YAE1: variants seen among roughly 807,000 people sequenced by gnomAD.
YAE1 encodes protein YAE1 homolog.
A neutral mutation model predicts 23.0 loss-of-function variants in YAE1; 22 were observed. The observed-to-expected ratio is 0.96, with a 90% CI of 0.68 to 1.37. The LOEUF (loss-of-function observed/expected upper bound fraction) is 1.37, where lower values mean the gene tolerates loss of function less well. Among genes scored for constraint, YAE1 ranks in the 40% most tolerant of loss-of-function variants. YAE1 has a pLI of 0.00. For missense variants in YAE1, 260 were observed against 262.1 expected (o/e 0.99, Z 0.06); for synonymous variants, 101 against 97.0 (o/e 1.04, Z -0.24).
At chr7:39,600,599 G>T (rs1305251587) in intron 2 of YAE1, among the ~76,000 whole-genome samples, 3 of 152,084 alleles carry the variant, frequency 2.0e-5, no homozygotes, top group African/African-American at 7.2e-5. Flanking sequence ...GTTTCGCCAT[G>T]TTGGTCAGGC....
rs747972028 is a variant in YAE1, at chr7:39,609,704, G to T, written c.339G>T (p.Pro113=). The stretch of plus-strand genomic sequence containing the variant: ...CGCAACTACTGCCGCGTCCCCTCCC[G>T]GTCCCCGGCCACATGGCGAGCGGGG... Residue 113 remains proline, a synonymous_variant, in exon 3 of 3, where the codon CCG becomes CCT. Coordinates refer to the YAE1 transcript ENST00000432096. 2.6e-6 allele frequency: 4 copies of T among 1,535,614 alleles called. No individual in the cohort carries two copies. In the South Asian group the frequency reaches 4.8e-5, roughly 18 times the overall value.
At chr7:39,609,672 G>A (rs1257604402) in exon 3 of YAE1, 3 of 1,535,614 alleles carry the variant, frequency 2.0e-6, no homozygotes, top group Non-Finnish European at 2.6e-6. Flanking sequence ...GAGTCCGGAG[G>A]TTGGGACGCA....
At chr7:39,567,829 G>GA (rs1454671009) in intron 1 of YAE1, among the ~76,000 whole-genome samples, 13 of 152,118 alleles carry the variant, frequency 8.5e-5, no homozygotes, top group African/African-American at 2.9e-4. Context: ...GGACATTACA[G>GA]AAATTGTCTA....
chr7:39,568,979 C>CT (rs1583667083), intron 1 of YAE1, among the ~76,000 whole-genome samples: 1 of 152,010 alleles, frequency 6.6e-6, no homozygotes, highest in Admixed American at 6.5e-5. Flanking sequence ...AAATACTTTC[C>CT]TTTTTTCACA....
chr7:39,566,626 GC>G, intron 1 of YAE1, 79 bp downstream of exon 1: 1 of 1,575,072 alleles, frequency 6.3e-7, no homozygotes, highest in South Asian at 1.1e-5. Context: ...GTCCAGAGTG[GC>G]CCCAGCCTGG....
downstream of YAE1, among the ~76,000 whole-genome samples, chr7:39,576,705 T>G (rs79633619): frequency 8.2e-4 from 125 of 152,244 alleles, no homozygotes; most frequent in East Asian, 0.023. Context: ...TCTCTTCACG[T>G]TTCTCCAGGA....
intron 2 of YAE1, among the ~76,000 whole-genome samples, chr7:39,593,983 G>A (rs1356369026): frequency 6.6e-6 from 1 of 152,066 alleles, no homozygotes; most frequent in African/African-American, 2.4e-5. Flanking sequence ...AGTAATTTGG[G>A]GTTGTATCCT....
At chr7:39,611,041 G>A (rs746511944), downstream of YAE1, among the ~76,000 whole-genome samples, 10 of 151,962 alleles carry the variant, frequency 6.6e-5, no homozygotes, top group Non-Finnish European at 1.2e-4. Context: ...CCAGCTTCTC[G>A]GGAGGCTGAG....
exon 3 of YAE1, chr7:39,610,019 T>C (rs781752172): frequency 3.3e-5 from 50 of 1,500,008 alleles, no homozygotes; most frequent in Non-Finnish European, 4.3e-5. Context: ...AGCTTGTGCT[T>C]AGGAAAGCCA....
At chr7:39,583,616 CA>C (rs2115804020) in intron 2 of YAE1, among the ~76,000 whole-genome samples, 1 of 152,302 alleles carries the variant, frequency 6.6e-6, no homozygotes, top group East Asian at 1.9e-4. Context: ...CCTTCTTTGC[CA>C]TTATTTTGTA....
intron 2 of YAE1, among the ~76,000 whole-genome samples, chr7:39,582,508 G>A (rs988593070): frequency 6.6e-6 from 1 of 152,166 alleles, no homozygotes; most frequent in African/African-American, 2.4e-5. Context: ...CATTCAAGCT[G>A]CCAAACGATA....
chr7:39,573,212 T>A (rs1426966590), downstream of YAE1, among the ~76,000 whole-genome samples: 1 of 152,182 alleles, frequency 6.6e-6, no homozygotes, highest in East Asian at 1.9e-4. Flanking sequence ...ATGCTGTTGA[T>A]TAAATGGTTA....
downstream of YAE1, among the ~76,000 whole-genome samples, chr7:39,574,021 C>A (rs1038213787): frequency 3.3e-5 from 5 of 152,196 alleles, no homozygotes; most frequent in African/African-American, 1.2e-4. Context: ...TTATAAGCAG[C>A]CTCTAAAGTC....
At chr7:39,580,766 G>A (rs1790730309) in intron 2 of YAE1, among the ~76,000 whole-genome samples, 1 of 152,172 alleles carries the variant, frequency 6.6e-6, no homozygotes, top group Non-Finnish European at 1.5e-5. Flanking sequence ...GGCTTTTGGG[G>A]TATGTCGACA....
rs112916357 is a variant in YAE1 at position 39,594,607 on chromosome 7, AT to A, written c.252-14998del. Among the ~76,000 whole-genome samples, 240 of 144,082 alleles carry A rather than the reference AT, an allele frequency of 1.7e-3. 1 individual carries two copies. In the Middle Eastern group the frequency reaches 0.018, roughly 11 times the overall value. The allele number at this position is 144,082 out of a possible 152,430, so 94.5% of individuals were successfully genotyped here. On this transcript the variant is annotated intron_variant, in intron 2 of 2. Coordinates refer to the YAE1 transcript ENST00000432096. The stretch of plus-strand genomic sequence containing the variant: ...CTCCCATTAATGGAAGTAGAACCTC[AT>A]TTTTTTTTTTTGAGACAGTCTCACT...
At chr7:39,584,563 T>A (rs937598913) in intron 2 of YAE1, among the ~76,000 whole-genome samples, 2 of 152,178 alleles carry the variant, frequency 1.3e-5, no homozygotes, top group African/African-American at 2.4e-5. Context: ...TAGGGCCTAT[T>A]GTGCTGACCC....
chr7:39,566,594 C>T, intron 1 of YAE1, 47 bp downstream of exon 1: 2 of 1,607,642 alleles, frequency 1.2e-6, no homozygotes, highest in African/African-American at 2.7e-5. Flanking sequence ...TGGGAAGAGG[C>T]GCGGAGTTGT....
intron 2 of YAE1, among the ~76,000 whole-genome samples, chr7:39,589,576 A>AT (rs953818888): frequency 2.0e-5 from 3 of 152,228 alleles, no homozygotes; most frequent in Non-Finnish European, 4.4e-5. Context: ...GTATTTTTAA[A>AT]TGTGAAGGTA....
intron 1 of YAE1, chr7:39,569,248 G>A (rs548478299): frequency 9.3e-6 from 2 of 214,598 alleles, no homozygotes; most frequent in Non-Finnish European, 1.9e-5. Flanking sequence ...TGAATGTAGA[G>A]TCTTCAATTT....
Sources: gnomAD v4.1 joint callset for allele counts (sites outside exome capture counted in the v4.1 genomes callset) on GRCh38, gnomAD v4.1.1 for gene constraint, MANE v1.5 for transcripts, NCBI Gene and HGNC (gene_info 2026-07-23, HGNC 2026-07-21) for gene names.